The following MYB variants were observed in gnomAD, a reference collection of about 807,000 sequenced individuals.
MYB encodes MYB proto-oncogene, transcription factor, also known as transcriptional activator Myb.
A neutral mutation model predicts 92.9 loss-of-function variants in MYB; 28 were observed. The observed-to-expected ratio is 0.30, with a 90% CI of 0.22 to 0.41. MYB has a LOEUF of 0.41. Ranked by LOEUF, MYB falls within the 10% of genes least tolerant of loss-of-function variation. MYB has a pLI of 1.00. For missense variants in MYB, 679 were observed against 929.3 expected (o/e 0.73, Z 3.50); for synonymous variants, 295 against 329.1 (o/e 0.90, Z 1.12).
intron 8 of MYB, chr6:135,194,816 CTAT>C (rs1160343394): frequency 3.0e-6 from 3 of 1,005,276 alleles, no homozygotes; most frequent in African/African-American, 1.6e-5. Flanking sequence ...TGGTTTTTTT[CTAT>C]TATTTTGTTA....
chr6:135,206,222 AAAAAATAAT>A (rs1329417747), intron 15 of MYB, among the ~76,000 whole-genome samples: 1 of 126,938 alleles, frequency 7.9e-6, no homozygotes, highest in Non-Finnish European at 1.6e-5. Flanking sequence ...AAAAAAAAAA[AAAAAATAAT>A]AATAATAATA....
At chr6:135,184,728 C>T (rs773751964) in intron 1 of MYB, among the ~76,000 whole-genome samples, 3 of 152,072 alleles carry the variant, frequency 2.0e-5, no homozygotes, top group Non-Finnish European at 2.9e-5. Flanking sequence ...TTTTTAAAAA[C>T]AATGATTTAC....
At chr6:135,196,313 G>A (rs1777298976) in intron 9 of MYB, among the ~76,000 whole-genome samples, 1 of 152,052 alleles carries the variant, frequency 6.6e-6, no homozygotes, top group Non-Finnish European at 1.5e-5. Context: ...TTATAAAGCA[G>A]AGCTTGGATT....
At position 135,201,697 on chromosome 6, in the gene MYB, A is replaced by G; in HGVS notation, c.2009A>G (p.Asp670Gly). The change falls in exon 14 of 16, where the codon GAC becomes GGC. Residue 670 changes from aspartate (D) to glycine (G), a missense_variant. Coordinates refer to ENST00000341911, the MANE Select transcript of MYB (RefSeq NM_001130173.2). ...NFFCSHHWEG[D>G]SLNTQLFTQT... is the part of the protein sequence containing the mutation. ...TTCTGCTCACACCACTGGGAAGGGG[A>G]CAGTCTGAATACCCAACTGTTCACG... The G allele has an allele frequency of 6.3e-7, 1 of 1,590,408 alleles. No homozygotes were observed. Among genetic ancestry groups the G allele is most frequent in the South Asian group, 1.1e-5 (1 of 88,810 alleles).
At chr6:135,195,382 A>T in intron 8 of MYB, 1 of 260,024 alleles carries the variant, frequency 3.8e-6, no homozygotes, top group Non-Finnish European at 7.6e-6. Context: ...TTAGAATGCA[A>T]ATAGGACAGT....
In MYB at chr6:135,182,895, C is replaced by G. The variant is rs1245951535; in HGVS notation, c.23+1359C>G. On this transcript the variant is annotated intron_variant, in intron 1 of 15. Coordinates refer to ENST00000341911, the MANE Select transcript of MYB (RefSeq NM_001130173.2). The surrounding 1 kb of genome is among the most constrained non-coding windows in gnomAD (Gnocchi z 5.6). ...GACGAGAGGGCGACTTGGGGGAGCT[C>G]CGGGCTCCCTATGCCTACTCCGGAG... Among the ~76,000 whole-genome samples the G allele has an allele frequency of 6.6e-6, 1 of 152,010 alleles. No homozygotes were observed. Among genetic ancestry groups the G allele is most frequent in the East Asian group, 1.9e-4 (1 of 5,166 alleles).
At chr6:135,211,915 A>G (rs1424901077) in intron 15 of MYB, among the ~76,000 whole-genome samples, 2 of 152,192 alleles carry the variant, frequency 1.3e-5, no homozygotes, top group Non-Finnish European at 2.9e-5. Context: ...CTCTCGAGAA[A>G]AGTTTGGTAA....
chr6:135,206,466 G>A (rs1445941974), intron 15 of MYB, among the ~76,000 whole-genome samples: 1 of 151,872 alleles, frequency 6.6e-6, no homozygotes, highest in African/African-American at 2.4e-5. Flanking sequence ...GGGAGGCAGA[G>A]GCGGGTGGAT....
rs1002053524 is a variant in MYB, at chr6:135,218,952, G to A, written c.*972G>A. On this transcript the variant is annotated 3_prime_UTR_variant, in exon 16 of 16. Transcript: ENST00000341911. ...GTAGCCTGACTGTTTTATAATTTGG[G>A]AGTTCTGCATTTGATCCGCATCCCC... 1 of 226,142 alleles carries A rather than the reference G, an allele frequency of 4.4e-6. No individual in the cohort carries two copies. The highest frequency in any genetic ancestry group is 8.8e-6 in the Non-Finnish European group (1 of 113,374). The allele number at this position is 226,142 out of a possible 1,614,324, so 14.0% of individuals were successfully genotyped here.
chr6:135,204,384 C>G (rs934406563), intron 15 of MYB, among the ~76,000 whole-genome samples: 5 of 152,102 alleles, frequency 3.3e-5, no homozygotes, highest in African/African-American at 7.2e-5. Flanking sequence ...CTGCAACCTC[C>G]GCCTCCCAGA....
intron 15 of MYB, among the ~76,000 whole-genome samples, chr6:135,213,480 G>C (rs1367246995): frequency 6.6e-6 from 1 of 152,112 alleles, no homozygotes; most frequent in East Asian, 1.9e-4. Context: ...AACACAGTCA[G>C]ATTTCAAGTT....
Position 135,193,921 on chromosome 6 carries a change from A to G in MYB, c.843+3A>G, listed in dbSNP as rs376540808. ...AGCCAGCTGCCGCAGCCATTCAGGT[A>G]AGATCATTGATCATTCACTGTTCAA... On this transcript the variant is annotated splice_donor_region_variant and intron_variant, in intron 7 of 15. Transcript: ENST00000341911. 1 of 1,592,268 alleles carries G rather than the reference A, an allele frequency of 6.3e-7. No individual in the cohort carries two copies. Among genetic ancestry groups the G allele is most frequent in the African/African-American group, 1.3e-5 (1 of 74,552 alleles).
rs1777850096 is a variant in MYB, at chr6:135,200,081, A to T, written c.1710-4A>T. ...TTGAGCCACTGCTTGTTTTCTTTTT[A>T]AAGTTTTAGAACCCCAGCTATCAAA... On this transcript the variant is annotated splice_region_variant and splice_polypyrimidine_tract_variant and intron_variant, in intron 11 of 15. Transcript: ENST00000341911. The T allele has an allele frequency of 1.2e-6, 2 of 1,609,906 alleles. No homozygotes were observed. The highest frequency in any genetic ancestry group is 1.7e-6 in the Non-Finnish European group (2 of 1,176,302).
intron 8 of MYB, chr6:135,195,355 C>CAGTA: frequency 1.5e-4 from 23 of 155,884 alleles, no homozygotes; most frequent in South Asian, 7.2e-4. Context: ...CTCCTGAGTC[C>CAGTA]TCTAGCTTTT....
chr6:135,209,732 C>G (rs1044119495), intron 15 of MYB, among the ~76,000 whole-genome samples: 1 of 152,092 alleles, frequency 6.6e-6, no homozygotes, highest in Non-Finnish European at 1.5e-5. Flanking sequence ...TATATTTTCA[C>G]AGTTGTTTTA....
At chr6:135,204,908 G>A (rs556459197) in intron 15 of MYB, among the ~76,000 whole-genome samples, 87 of 152,184 alleles carry the variant, frequency 5.7e-4, no homozygotes, top group Non-Finnish European at 1.1e-3. Flanking sequence ...AGGAGTTTGA[G>A]ACCAGCCTGG....
rs1035542723 is a variant in MYB at position 135,197,162 on chromosome 6, C to T, written c.1405C>T (p.Pro469Ser). Reference protein sequence around the residue: ...SSLDPPKVLPPARHSTIPLVI... With the variant: ...SSLDPPKVLPSARHSTIPLVI... The stretch of plus-strand genomic sequence containing the variant: ...ACTTGACCCACCCAAGGTCTTACCT[C>T]CTGCAAGGCACAGCACAATTCCACT... The change falls in exon 10 of 16, where the codon CCT becomes TCT. Residue 469 changes from proline to serine, a missense_variant. Around this residue, in one of 8 missense-constraint regions of MYB, gnomAD observed 402 missense variants for 434.2 expected, o/e 0.93. Coordinates refer to ENST00000341911, the MANE Select transcript of MYB (RefSeq NM_001130173.2). 6.2e-7 allele frequency: 1 copy of T among 1,613,982 alleles called. No individual in the cohort carries two copies. The highest frequency in any genetic ancestry group is 8.5e-7 in the Non-Finnish European group (1 of 1,179,886).
Position 135,218,235 on chromosome 6 carries a change from T to G in MYB, c.*255T>G. ...GAATTGTAGCCAGTTGTTAATATCTTAATGCAGATTTTTTTAAAAAAAACA... is the reference window on the plus strand; with the variant it reads ...GAATTGTAGCCAGTTGTTAATATCTGAATGCAGATTTTTTTAAAAAAAACA... On this transcript the variant is annotated 3_prime_UTR_variant, in exon 16 of 16. Transcript: ENST00000341911. 1 of 359,730 alleles carries G rather than the reference T, an allele frequency of 2.8e-6. No individual in the cohort carries two copies. The highest frequency in any genetic ancestry group is 4.9e-6 in the Non-Finnish European group (1 of 203,412). The allele number at this position is 359,730 out of a possible 1,614,324, so 22.3% of individuals were successfully genotyped here. A position where few individuals can be genotyped will look rare whatever the true frequency, so the allele number is the denominator to read the frequency against.
chr6:135,190,911 C>G lies in MYB; in HGVS notation c.527+564C>G, dbSNP rs2128290498. On this transcript the variant is annotated intron_variant, in intron 5 of 15. Coordinates refer to ENST00000341911, the MANE Select transcript of MYB (RefSeq NM_001130173.2). This position sits in a 1 kb window ranked among gnomAD's most constrained non-coding sequence, Gnocchi z 4.5. ...TCCTGGGCTCAAGGGATCCTCCCACCTCAGCTTCTTGAGTAGCTAGGACTA... is the reference window on the plus strand; with the variant it reads ...TCCTGGGCTCAAGGGATCCTCCCACGTCAGCTTCTTGAGTAGCTAGGACTA... 6.6e-6 allele frequency among the ~76,000 whole-genome samples: 1 copy of G among 152,272 alleles called. No individual in the cohort carries two copies. The highest frequency in any genetic ancestry group is 1.9e-4 in the East Asian group (1 of 5,180).
Sources: allele counts gnomAD v4.1 joint callset (sites outside exome capture counted in the v4.1 genomes callset), GRCh38; gene constraint gnomAD v4.1.1; regional missense constraint gnomAD v4.1.1; non-coding constraint Gnocchi (gnomAD v3.1); transcripts MANE v1.5; gene names NCBI Gene and HGNC (gene_info 2026-07-23, HGNC 2026-07-21).